Variants in CNRIP1 observed in about 807,000 individuals in gnomAD.
CNRIP1 encodes the protein cannabinoid receptor interacting protein 1.
A neutral mutation model predicts 15.2 loss-of-function variants in CNRIP1; 10 were observed. The ratio of observed to expected loss-of-function variants is 0.66; its 90% CI spans 0.41 to 1.12. The LOEUF is 1.12. Among genes scored for constraint, CNRIP1 ranks in the 50% most tolerant of loss-of-function variants. The pLI, the probability that CNRIP1 is intolerant of heterozygous loss-of-function variation, is 0.00. For synonymous variants in CNRIP1, 91 were observed against 83.2 expected (o/e 1.09, Z -0.51); for missense variants, 211 against 214.7 (o/e 0.98, Z 0.11).
downstream of CNRIP1, among the ~76,000 whole-genome samples, chr2:68,288,480 T>C (rs1232003407): frequency 2.0e-5 from 3 of 152,196 alleles, no homozygotes; most frequent in Non-Finnish European, 2.9e-5. Context: ...TCAGGATTAC[T>C]GTTAAAGTAC....
intron 2 of CNRIP1, among the ~76,000 whole-genome samples, chr2:68,298,748 G>A (rs1530392): frequency 0.38 from 57,277 of 151,958 alleles, 12,086 homozygotes; most frequent in East Asian, 0.71. Flanking sequence ...CTCATTAGCC[G>A]TCTTCCTATT....
At chr2:68,312,273 C>T (rs548469612) in intron 2 of CNRIP1, among the ~76,000 whole-genome samples, 3 of 151,854 alleles carry the variant, frequency 2.0e-5, no homozygotes, top group African/African-American at 4.8e-5. Flanking sequence ...GAGAATAAAC[C>T]ATGACCAGTG....
chr2:68,304,229 G>GAAA (rs11315317), intron 2 of CNRIP1, among the ~76,000 whole-genome samples: 92 of 140,248 alleles, frequency 6.6e-4, no homozygotes, highest in Non-Finnish European at 1.0e-3. Context: ...GTCTCTACTT[G>GAAA]AAAAAAAAAA....
At position 68,293,721 on chromosome 2, in the gene CNRIP1, T is replaced by C. The variant is rs1021712195; in HGVS notation, c.*141A>G. 9.7e-6 allele frequency: 14 copies of C among 1,440,048 alleles called. No homozygotes were observed. The highest frequency in any genetic ancestry group is 3.7e-4 in the Middle Eastern group (2 of 5,340). 89.2% of individuals were successfully genotyped at this position (1,440,048 alleles called of 1,614,324 possible). On this transcript the variant is annotated 3_prime_UTR_variant, in exon 3 of 3. Coordinates refer to ENST00000263655, the MANE Select transcript of CNRIP1 (RefSeq NM_015463.3). ...ATTGTGTCAGAGGGGAATTACACTT[T>C]CAAAATAACCAGGGCTAGTAGGTCA...
At chr2:68,303,194 A>C (rs1177395126) in intron 2 of CNRIP1, among the ~76,000 whole-genome samples, 1 of 152,188 alleles carries the variant, frequency 6.6e-6, no homozygotes, top group South Asian at 2.1e-4. Context: ...CTTAAGCAAG[A>C]CTCAAAAGAC....
At chr2:68,311,836 T>C (rs1672088346) in intron 2 of CNRIP1, among the ~76,000 whole-genome samples, 1 of 149,062 alleles carries the variant, frequency 6.7e-6, no homozygotes, top group South Asian at 2.1e-4. Context: ...GTAGACATTA[T>C]TAGAGATCCT....
chr2:68,286,473 T>G (rs1189016989), intron 2 of CNRIP1, among the ~76,000 whole-genome samples: 2 of 152,238 alleles, frequency 1.3e-5, no homozygotes, highest in African/African-American at 4.8e-5. Flanking sequence ...ATATGTTTTG[T>G]CAAAGAAAGT....
intron 2 of CNRIP1, among the ~76,000 whole-genome samples, chr2:68,295,851 T>C (rs773198612): frequency 6.6e-6 from 1 of 152,218 alleles, no homozygotes; most frequent in African/African-American, 2.4e-5. Context: ...TCAAAACTAA[T>C]TGAACTGTAT....
In CNRIP1 at chr2:68,299,358, C is replaced by A. The variant is rs76638017; in HGVS notation, c.331-5332G>T. On this transcript the variant is annotated intron_variant, in intron 2 of 2. Transcript: ENST00000263655. Reference sequence around the variant, plus strand: ...CCAATTCATGTGGTGAAGCCTAAATCCTAACTGTAATGGTATTTGGAGGTA... The same window carrying A: ...CCAATTCATGTGGTGAAGCCTAAATACTAACTGTAATGGTATTTGGAGGTA... Among the ~76,000 whole-genome samples, 90 of 152,194 alleles carry A rather than the reference C, an allele frequency of 5.9e-4. No individual in the cohort carries two copies. The East Asian group carries it at 0.015, about 25-fold the overall frequency.
Position 68,317,163 on chromosome 2 carries a change from G to A in CNRIP1, c.324C>T (p.Thr108=). Residue 108 remains threonine (T), a synonymous_variant, in exon 2 of 3, where the codon ACC becomes ACT. Coordinates refer to ENST00000263655, the MANE Select transcript of CNRIP1 (RefSeq NM_015463.3). ...ACCCGCAAGCAAGCCTTACCGGCATGGTGATCTGGATGGGTTGCCGTTCTC... is the reference window on the plus strand; with the variant it reads ...ACCCGCAAGCAAGCCTTACCGGCATAGTGATCTGGATGGGTTGCCGTTCTC... ...KSGERQPIQI[T]MPFTDIGTFE... The A allele has an allele frequency of 1.9e-6, 3 of 1,614,198 alleles. No individual in the cohort carries two copies. The highest frequency in any genetic ancestry group is 2.2e-5 in the East Asian group (1 of 44,888).
In CNRIP1 at chr2:68,310,282, C is replaced by T. The variant is rs149475791; in HGVS notation, c.330+6875G>A. 2.1e-3 allele frequency among the ~76,000 whole-genome samples: 318 copies of T among 152,280 alleles called. 9 individuals carry two copies. The East Asian group carries it at 0.054, about 26-fold the overall frequency. On this transcript the variant is annotated intron_variant, in intron 2 of 2. Transcript: ENST00000263655. ...GGTGGAGGCTGCAGTGAGCTGAGAT[C>T]GCACCACTGCATTCCAGCCTGGGCA...
In CNRIP1 at chr2:68,296,891, G is replaced by A. The variant is rs541721965; in HGVS notation, c.331-2865C>T. Among the ~76,000 whole-genome samples, 27 of 151,868 alleles carry A rather than the reference G, an allele frequency of 1.8e-4. 1 individual carries two copies. The South Asian group carries it at 5.2e-3, about 29-fold the overall frequency. On this transcript the variant is annotated intron_variant, in intron 2 of 2. Transcript: ENST00000263655. ...CCTGACCTCGTGATCCACCCACCTC[G>A]GCCTCCCAAAGTGCTGGCGTGAGCC...
downstream of CNRIP1, among the ~76,000 whole-genome samples, chr2:68,291,607 G>A (rs978043751): frequency 2.0e-5 from 3 of 151,986 alleles, no homozygotes; most frequent in Admixed American, 2.0e-4. Flanking sequence ...TGGGCCCAGC[G>A]TAGTGGCTCA....
At chr2:68,303,632 G>A (rs1199476218) in intron 2 of CNRIP1, among the ~76,000 whole-genome samples, 2 of 152,210 alleles carry the variant, frequency 1.3e-5, no homozygotes, top group South Asian at 2.1e-4. Context: ...TTCCTATTTG[G>A]ATCTGTAAAG....
At chr2:68,284,548 A>C in intron 2 of CNRIP1, 1 of 1,099,706 alleles carries the variant, frequency 9.1e-7, no homozygotes, top group Non-Finnish European at 1.3e-6. Flanking sequence ...GCAGTGACTC[A>C]CGCCCGTAAT....
At chr2:68,319,031 G>A (rs1176793739) in intron 1 of CNRIP1, among the ~76,000 whole-genome samples, 191 bp downstream of exon 1, 1 of 152,262 alleles carries the variant, frequency 6.6e-6, no homozygotes, top group Non-Finnish European at 1.5e-5. Context: ...AAGCGAGAAT[G>A]GAGGAATACA....
At chr2:68,290,632 C>T (rs949836292), downstream of CNRIP1, among the ~76,000 whole-genome samples, 3 of 152,164 alleles carry the variant, frequency 2.0e-5, no homozygotes, top group African/African-American at 7.2e-5. Flanking sequence ...CTTCCAATTT[C>T]ATAAGAGTCA....
At chr2:68,295,769 C>G (rs1671331722) in intron 2 of CNRIP1, among the ~76,000 whole-genome samples, 1 of 152,088 alleles carries the variant, frequency 6.6e-6, no homozygotes, top group Non-Finnish European at 1.5e-5. Context: ...CAAGAGGGAA[C>G]TTTTTAGGGG....
intron 2 of CNRIP1, among the ~76,000 whole-genome samples, chr2:68,314,287 C>A (rs950188562): frequency 1.3e-5 from 2 of 151,858 alleles, no homozygotes; most frequent in African/African-American, 4.8e-5. Context: ...GCTGATAAAG[C>A]AAGCAAATTT....
Sources: allele counts gnomAD v4.1 joint callset (sites outside exome capture counted in the v4.1 genomes callset), GRCh38; gene constraint gnomAD v4.1.1; transcripts MANE v1.5; gene names NCBI Gene and HGNC (gene_info 2026-07-23, HGNC 2026-07-21).